Variants in FHIT observed in about 807,000 individuals in gnomAD.
The protein encoded by FHIT is fragile histidine triad diadenosine triphosphatase, also known as bis(5'-adenosyl)-triphosphatase.
In FHIT, 19 loss-of-function variants were observed where a neutral mutation model predicts 17.9. The observed-to-expected ratio is 1.06, with a 90% confidence interval of 0.74 to 1.56. FHIT has a LOEUF of 1.56. Ranked by LOEUF, FHIT falls within the 40% of genes most tolerant of loss-of-function variation. The pLI is 0.00. For missense variants in FHIT, 248 were observed against 189.2 expected (o/e 1.31, Z -1.82); for synonymous variants, 81 against 69.7 (o/e 1.16, Z -0.81).
At chr3:59,967,248 C>T (rs1211270808) in intron 7 of FHIT, among the ~76,000 whole-genome samples, 1 of 151,986 alleles carries the variant, frequency 6.6e-6, no homozygotes, top group African/African-American at 2.4e-5. Flanking sequence ...TTAAAGTTAT[C>T]TTTTTAAAAA....
chr3:60,791,015 G>C (rs570085221), intron 4 of FHIT, among the ~76,000 whole-genome samples: 1 of 152,220 alleles, frequency 6.6e-6, no homozygotes, highest in East Asian at 1.9e-4. Context: ...ATGTAATAAT[G>C]CACTCAAAGA....
intron 8 of FHIT, among the ~76,000 whole-genome samples, chr3:59,769,613 TTAACTTAAACTTGATAA>T (rs1701974181): frequency 6.6e-6 from 1 of 152,208 alleles, no homozygotes; most frequent in South Asian, 2.1e-4. Flanking sequence ...ATTAGTCTAA[TTAACTTAAACTTGATAA>T]TTATGTTTCG....
chr3:60,075,338 G>C (rs1039048121), intron 5 of FHIT, among the ~76,000 whole-genome samples: 1 of 152,004 alleles, frequency 6.6e-6, no homozygotes. Context: ...CAAGATCCAC[G>C]AATGTAAGCA....
intron 8 of FHIT, among the ~76,000 whole-genome samples, chr3:59,817,866 G>A (rs532590908): frequency 6.6e-6 from 1 of 152,216 alleles, no homozygotes; most frequent in East Asian, 1.9e-4. Flanking sequence ...AGATCCACTA[G>A]CTGTTTTCCT....
chr3:61,203,888 G>C (rs750055887), intron 1 of FHIT, among the ~76,000 whole-genome samples: 3 of 152,150 alleles, frequency 2.0e-5, no homozygotes, highest in Non-Finnish European at 4.4e-5. Context: ...ACAGAGATTT[G>C]TACAATGTTT....
intron 7 of FHIT, among the ~76,000 whole-genome samples, chr3:60,006,753 C>A (rs914695752): frequency 1.1e-4 from 16 of 151,778 alleles, no homozygotes; most frequent in African/African-American, 3.4e-4. Flanking sequence ...CCTAACGGAA[C>A]CTCTGATGCC....
chr3:60,649,560 T>C (rs903950589), intron 4 of FHIT, among the ~76,000 whole-genome samples: 1 of 152,202 alleles, frequency 6.6e-6, no homozygotes, highest in Non-Finnish European at 1.5e-5. Context: ...TAAATGACGA[T>C]ATAAAATTCT....
intron 5 of FHIT, among the ~76,000 whole-genome samples, chr3:60,279,822 G>C (rs1040241950): frequency 6.6e-6 from 1 of 151,924 alleles, no homozygotes; most frequent in African/African-American, 2.4e-5. Flanking sequence ...AGGAGGTCAG[G>C]AGATCAAGAC....
chr3:61,161,137 TAAAAA>T (rs201875023), intron 2 of FHIT, among the ~76,000 whole-genome samples: 1 of 133,350 alleles, frequency 7.5e-6, no homozygotes. Context: ...CATCCACAGT[TAAAAA>T]AAAAAAAAAA....
At chr3:60,499,783 A>G (rs898906501) in intron 5 of FHIT, among the ~76,000 whole-genome samples, 1 of 152,064 alleles carries the variant, frequency 6.6e-6, no homozygotes. Context: ...TTGTCCCACA[A>G]TGGGCTGGTC....
At chr3:60,921,961 A>C (rs1372647353) in intron 3 of FHIT, among the ~76,000 whole-genome samples, 1 of 152,228 alleles carries the variant, frequency 6.6e-6, no homozygotes. Context: ...TGAGAAAATA[A>C]ATGAGGCTTG....
chr3:59,888,574 G>C (rs1021544427), intron 8 of FHIT, among the ~76,000 whole-genome samples: 2 of 152,112 alleles, frequency 1.3e-5, no homozygotes, highest in East Asian at 1.9e-4. Flanking sequence ...AAAAAATCAA[G>C]ACCCTTCTCT....
At chr3:60,085,032 T>A (rs1703438896) in intron 5 of FHIT, among the ~76,000 whole-genome samples, 1 of 152,168 alleles carries the variant, frequency 6.6e-6, no homozygotes, top group South Asian at 2.1e-4. Flanking sequence ...TGGAATTGGT[T>A]TGCCACTTCT....
intron 4 of FHIT, among the ~76,000 whole-genome samples, chr3:60,744,268 CAAAAAAA>C (rs374691493): frequency 2.5e-5 from 2 of 80,088 alleles, no homozygotes; most frequent in Non-Finnish European, 4.9e-5. Context: ...CAAAACAAAA[CAAAAAAA>C]AAAAAAAACA....
intron 2 of FHIT, among the ~76,000 whole-genome samples, chr3:61,044,424 G>A (rs2033682711): frequency 6.6e-6 from 1 of 152,078 alleles, no homozygotes; most frequent in Non-Finnish European, 1.5e-5. Context: ...GAGAAGAGAA[G>A]TTTAGAGAAA....
At chr3:60,269,934 G>A (rs1363101012) in intron 5 of FHIT, among the ~76,000 whole-genome samples, 1 of 152,156 alleles carries the variant, frequency 6.6e-6, no homozygotes. Context: ...TAAACTCATG[G>A]GTTGGTTAGA....
At chr3:60,112,559 G>A (rs1316570214) in intron 5 of FHIT, among the ~76,000 whole-genome samples, 2 of 152,192 alleles carry the variant, frequency 1.3e-5, no homozygotes, top group Non-Finnish European at 2.9e-5. Context: ...AGCCAAAGGA[G>A]GGCTGAAATA....
chr3:60,735,502 C>A (rs142425071), intron 4 of FHIT, among the ~76,000 whole-genome samples: 7 of 152,288 alleles, frequency 4.6e-5, no homozygotes, highest in East Asian at 3.9e-4. Context: ...ACTGAAGGAA[C>A]TATTGTGAAA....
At chr3:60,329,999 T>C (rs1709886697) in intron 5 of FHIT, among the ~76,000 whole-genome samples, 1 of 152,204 alleles carries the variant, frequency 6.6e-6, no homozygotes, top group African/African-American at 2.4e-5. Flanking sequence ...AATTGCCCCA[T>C]ATGTTCAAAT....
Sources: gnomAD v4.1 joint callset for allele counts (sites outside exome capture counted in the v4.1 genomes callset) on GRCh38, gnomAD v4.1.1 for gene constraint, MANE v1.5 for transcripts, NCBI Gene and HGNC (gene_info 2026-07-23, HGNC 2026-07-21) for gene names.